ANXA3: variants seen among roughly 807,000 people sequenced by gnomAD.
ANXA3 encodes the protein annexin A3.
Under a neutral mutation model 48.8 loss-of-function variants are expected in ANXA3, and 46 were observed. That is an observed-to-expected ratio of 0.94 (90% CI 0.74 to 1.21). ANXA3 has a LOEUF of 1.21. Ranked by LOEUF, ANXA3 falls within the 50% of genes most tolerant of loss-of-function variation. The pLI, the probability that ANXA3 is intolerant of heterozygous loss-of-function variation, is 0.00. For missense variants in ANXA3, 383 were observed against 378.6 expected (o/e 1.01, Z -0.10); for synonymous variants, 128 against 134.7 (o/e 0.95, Z 0.35).
At chr4:78,595,141 A>AATATAT (rs145060219) in intron 7 of ANXA3, among the ~76,000 whole-genome samples, 4,989 of 151,322 alleles carry the variant, frequency 0.033, 275 homozygotes, top group African/African-American at 0.12. Context: ...CCTGTCTCTA[A>AATATAT]ATATATATAT....
intron 2 of ANXA3, among the ~76,000 whole-genome samples, chr4:78,568,581 A>G (rs1263152588): frequency 2.6e-5 from 4 of 152,192 alleles, no homozygotes; most frequent in African/African-American, 9.7e-5. Flanking sequence ...GGCTTTAAAT[A>G]TGTTTCATAT....
chr4:78,554,315 G>C, intron 1 of ANXA3, 121 bp from the exon 2 acceptor site: 1 of 707,564 alleles, frequency 1.4e-6, no homozygotes, highest in East Asian at 2.7e-5. Context: ...TGCTCTTCCT[G>C]AGAAGGTTTT....
At position 78,586,282 on chromosome 4, in the gene ANXA3, C is replaced by A. The variant is rs148432198; in HGVS notation, c.335C>A (p.Ala112Asp). Residue 112 changes from alanine (A) to aspartate (D), a missense_variant, in exon 6 of 13, where the codon GCC becomes GAC. Ala to Asp is a moderately radical substitution (Grantham distance 126). Coordinates refer to ENST00000264908, the MANE Select transcript of ANXA3 (RefSeq NM_005139.3). ...TAGGGCGCGGGAACAAACGAAGATG[C>A]CTTGATTGAAATCTTAACTACCAGG... ...SMKGAGTNED[A>D]LIEILTTRTS... The A allele has an allele frequency of 5.0e-6, 8 of 1,613,506 alleles. No individual in the cohort carries two copies. The highest frequency in any genetic ancestry group is 2.2e-5 in the East Asian group (1 of 44,824).
intron 11 of ANXA3, 62 bp from the exon 12 acceptor site, chr4:78,604,215 G>T (rs1723601155): frequency 1.4e-6 from 2 of 1,460,548 alleles, no homozygotes; most frequent in Non-Finnish European, 1.9e-6. Flanking sequence ...TATAAATATA[G>T]ATCTCTATGT....
Position 78,601,596 on chromosome 4 carries a change from T to C in ANXA3, c.789+28T>C, listed in dbSNP as rs200920358. 3 of 1,596,058 alleles carry C rather than the reference T, an allele frequency of 1.9e-6. No individual in the cohort carries two copies. In the African/African-American group the frequency reaches 4.0e-5, roughly 21 times the overall value. The stretch of plus-strand genomic sequence containing the variant: ...TGGTCTGGAAAGTTCATGTGCATTC[T>C]TAGCGTCCCTTAATTCCCTTGGGAA... On this transcript the variant is annotated intron_variant, in intron 11 of 12. Coordinates refer to ENST00000264908, the MANE Select transcript of ANXA3 (RefSeq NM_005139.3).
intron 1 of ANXA3, among the ~76,000 whole-genome samples, chr4:78,553,226 A>G (rs1722436903): frequency 6.6e-6 from 1 of 152,198 alleles, no homozygotes. Flanking sequence ...TGACTGTGGG[A>G]CATTACCATA....
rs1326118954 is a variant in ANXA3, at chr4:78,604,387, T to C, written c.900T>C (p.Tyr300=). ...EFKKHYGYSL[Y]SAIKSDTSGD... The stretch of plus-strand genomic sequence containing the variant: ...AGAAGCATTATGGCTATTCCCTATA[T>C]TCAGCAATTAAAGTAAGTCTACTTT... Residue 300 remains tyrosine, a synonymous_variant, in exon 12 of 13, where the codon TAT becomes TAC. Coordinates refer to ENST00000264908, the MANE Select transcript of ANXA3 (RefSeq NM_005139.3). The C allele has an allele frequency of 1.2e-5, 20 of 1,611,376 alleles. No homozygotes were observed. The highest frequency in any genetic ancestry group is 1.6e-5 in the Non-Finnish European group (19 of 1,178,512).
intron 1 of ANXA3, chr4:78,552,288 ATGGCAGACGGGGC>A (rs1387181001): frequency 6.6e-6 from 1 of 152,408 alleles, no homozygotes; most frequent in Non-Finnish European, 1.5e-5. Context: ...GGTCCCCGGC[ATGGCAGACGGGGC>A]TGGCTCAGAG....
intron 6 of ANXA3, 148 bp downstream of exon 6, chr4:78,586,498 CTA>C (rs1267718136): frequency 1.2e-5 from 7 of 574,214 alleles, no homozygotes; most frequent in Admixed American, 3.4e-5. Flanking sequence ...CAGCTAAAGA[CTA>C]TGAGTTTCCA....
In ANXA3 at chr4:78,579,071, A is replaced by G; in HGVS notation, c.148A>G (p.Asn50Asp). The change falls in exon 4 of 13, where the codon AAT becomes GAT. Residue 50 changes from asparagine (N) to aspartate (D), a missense_variant. Coordinates refer to ENST00000264908, the MANE Select transcript of ANXA3 (RefSeq NM_005139.3). ...CATCAGCATTCTGACTGAGAGGTCA[A>G]ATGCACAGCGGCAGCTGATTGTTAA... is the stretch of plus-strand genomic sequence containing the variant. ...MLISILTERSNAQRQLIVKEY... is the reference protein window; with the variant it reads ...MLISILTERSDAQRQLIVKEY... 5 of 1,612,884 alleles carry G rather than the reference A, an allele frequency of 3.1e-6. No homozygotes were observed. The highest frequency in any genetic ancestry group is 4.2e-6 in the Non-Finnish European group (5 of 1,179,022).
chr4:78,585,346 T>C (rs1723150339), intron 5 of ANXA3, among the ~76,000 whole-genome samples: 1 of 152,176 alleles, frequency 6.6e-6, no homozygotes, highest in Admixed American at 6.5e-5. Flanking sequence ...TAACTCATGG[T>C]TTTCACTTCC....
chr4:78,575,628 G>C (rs1163858280), intron 3 of ANXA3, among the ~76,000 whole-genome samples: 1 of 152,152 alleles, frequency 6.6e-6, no homozygotes, highest in African/African-American at 2.4e-5. Context: ...CCATTAAAGA[G>C]TTCCTTCATA....
intron 11 of ANXA3, 118 bp from the exon 12 acceptor site, chr4:78,604,159 A>G: frequency 1.1e-6 from 1 of 934,016 alleles, no homozygotes; most frequent in Non-Finnish European, 1.5e-6. Flanking sequence ...AATAAATGAA[A>G]AAGAATCACT....
At position 78,601,515 on chromosome 4, in the gene ANXA3, T is replaced by C; in HGVS notation, c.736T>C (p.Cys246Arg). The C allele has an allele frequency of 6.2e-7, 1 of 1,613,952 alleles. No homozygotes were observed. Among genetic ancestry groups the C allele is most frequent in the Non-Finnish European group, 8.5e-7 (1 of 1,179,840 alleles). Reference protein sequence around the residue: ...FEDLLLAIVNCVRNTPAFLAE... With the variant: ...FEDLLLAIVNRVRNTPAFLAE... ...TTATTTGCTTTTTGTTACAGTTAAT[T>C]GTGTGAGGAACACGCCGGCCTTTTT... Residue 246 changes from cysteine to arginine, a missense_variant, in exon 11 of 13, where the codon TGT becomes CGT. Coordinates refer to ENST00000264908, the MANE Select transcript of ANXA3 (RefSeq NM_005139.3).
At chr4:78,565,308 GGCT>G (rs1195452855) in intron 2 of ANXA3, among the ~76,000 whole-genome samples, 17 of 152,276 alleles carry the variant, frequency 1.1e-4, no homozygotes, top group Admixed American at 1.1e-3. Flanking sequence ...CAGATCCCTT[GGCT>G]GCTATGTGGG....
chr4:78,601,720 CA>C, intron 11 of ANXA3, 152 bp downstream of exon 11: 4 of 626,306 alleles, frequency 6.4e-6, no homozygotes, highest in Non-Finnish European at 8.3e-6. Flanking sequence ...AGGTATGATA[CA>C]ATACACTCTT....
chr4:78,582,061 C>G, intron 4 of ANXA3, 116 bp from the exon 5 acceptor site: 1 of 626,902 alleles, frequency 1.6e-6, no homozygotes, highest in Admixed American at 2.8e-5. Flanking sequence ...TGTTTATTCC[C>G]TGTGGATGGA....
At chr4:78,604,607 AT>A (rs887201586) in intron 12 of ANXA3, among the ~76,000 whole-genome samples, 5 of 152,086 alleles carry the variant, frequency 3.3e-5, no homozygotes, top group Non-Finnish European at 7.4e-5. Context: ...GACACTCAAT[AT>A]TTTTTTAGGT....
intron 10 of ANXA3, among the ~76,000 whole-genome samples, chr4:78,601,193 T>A (rs1723527500): frequency 6.6e-6 from 1 of 152,218 alleles, no homozygotes; most frequent in Admixed American, 6.5e-5. Flanking sequence ...TAGGGAGTTA[T>A]CAGGGAAAGC....
Sources: allele counts gnomAD v4.1 joint callset (sites outside exome capture counted in the v4.1 genomes callset), GRCh38; gene constraint gnomAD v4.1.1; transcripts MANE v1.5; gene names NCBI Gene and HGNC (gene_info 2026-07-23, HGNC 2026-07-21).